The following IL12RB2 variants were observed in gnomAD, a reference collection of about 807,000 sequenced individuals.
The protein encoded by IL12RB2 is interleukin 12 receptor subunit beta 2.
IL12RB2 carries 82 observed loss-of-function variants against 89.4 expected under a neutral mutation model. That is an observed-to-expected ratio of 0.92 (90% CI 0.77 to 1.10). The LOEUF (loss-of-function observed/expected upper bound fraction) is 1.10. IL12RB2 is among the 50% of genes least tolerant of loss of function. The pLI is 0.00. For synonymous variants in IL12RB2, 368 were observed against 370.1 expected (o/e 0.99, Z 0.07); for missense variants, 963 against 1,031.9 (o/e 0.93, Z 0.92).
intron 16 of IL12RB2, among the ~76,000 whole-genome samples, chr1:67,393,933 T>TA (rs1666093724): frequency 6.6e-6 from 1 of 151,958 alleles, no homozygotes; most frequent in African/African-American, 2.4e-5. Context: ...TACAGACATA[T>TA]AAAAAAAGTG....
chr1:67,397,150 ATG>A lies in IL12RB2; in HGVS notation c.*1063_*1064del, dbSNP rs1482179075. 6.6e-6 allele frequency among the ~76,000 whole-genome samples: 1 copy of A among 151,912 alleles called. No homozygotes were observed. Among genetic ancestry groups the A allele is most frequent in the East Asian group, 1.9e-4 (1 of 5,176 alleles). On this transcript the variant is annotated 3_prime_UTR_variant, in exon 17 of 17. Coordinates refer to ENST00000674203, the MANE Select transcript of IL12RB2 (RefSeq NM_001374259.2). ...TCAAAAAAGAAAAAAAAAAAAAAGA[ATG>A]TACCTTTTTCCTAGATTTGCTGGTT...
chr1:67,396,157 C>G lies in IL12RB2; in HGVS notation c.*68C>G. ...GCACAGCCTGCCCCAATTCCCCCAG[C>G]CCCTGCTCCAGCAGCTGTCATCTCT... On this transcript the variant is annotated 3_prime_UTR_variant, in exon 17 of 17. Transcript: ENST00000674203. 1 of 946,118 alleles carries G rather than the reference C, an allele frequency of 1.1e-6. No homozygotes were observed. Among genetic ancestry groups the G allele is most frequent in the Non-Finnish European group, 1.7e-6 (1 of 580,052 alleles). 58.6% of individuals were successfully genotyped at this position (946,118 alleles called of 1,614,324 possible).
At chr1:67,355,679 C>T (rs1174357532) in intron 10 of IL12RB2, among the ~76,000 whole-genome samples, 2 of 152,196 alleles carry the variant, frequency 1.3e-5, no homozygotes, top group East Asian at 3.9e-4. Flanking sequence ...CTTGGGTGAG[C>T]ACTTTTTCCA....
chr1:67,344,186 T>C (rs17129835), intron 9 of IL12RB2, among the ~76,000 whole-genome samples: 8,036 of 152,310 alleles, frequency 0.053, 334 homozygotes, highest in Middle Eastern at 0.14. Context: ...GAAGCACTGT[T>C]CCACGGAAAT....
intron 9 of IL12RB2, among the ~76,000 whole-genome samples, chr1:67,347,822 C>T (rs1660400879): frequency 6.6e-6 from 1 of 152,016 alleles, no homozygotes; most frequent in Non-Finnish European, 1.5e-5. Context: ...GGAGACACTC[C>T]CAGGGATGCA....
In IL12RB2 at chr1:67,340,144, C is replaced by T. The variant is rs17129828; in HGVS notation, c.1038+1441C>T. On this transcript the variant is annotated intron_variant, in intron 9 of 16. Transcript: ENST00000674203. ...GAGTGATTTCTTCTTCTTTCTCCTC[C>T]CTGTCTCTCTCACACACACATAAAA... Among the ~76,000 whole-genome samples, 945 of 152,256 alleles carry T rather than the reference C, an allele frequency of 6.2e-3. 9 individuals are homozygous for T. Among genetic ancestry groups the T allele is most frequent in the African/African-American group, 0.021 (870 of 41,554 alleles).
At chr1:67,322,570 G>A (rs1328734748) in intron 4 of IL12RB2, among the ~76,000 whole-genome samples, 1 of 152,142 alleles carries the variant, frequency 6.6e-6, no homozygotes, top group Non-Finnish European at 1.5e-5. Flanking sequence ...ATGCCAGGTG[G>A]TAACATCACT....
In IL12RB2 at chr1:67,363,981, T is replaced by G. The variant is rs1312456342; in HGVS notation, c.1259-3844T>G. On this transcript the variant is annotated intron_variant, in intron 10 of 16. Coordinates refer to ENST00000674203, the MANE Select transcript of IL12RB2 (RefSeq NM_001374259.2). Reference sequence around the variant, plus strand: ...CACATGTAGTACATATTACTCCAACTCCATCAAGTTATTTTGAACATCACT... The same window carrying G: ...CACATGTAGTACATATTACTCCAACGCCATCAAGTTATTTTGAACATCACT... Among the ~76,000 whole-genome samples the G allele has an allele frequency of 3.3e-5, 5 of 152,166 alleles. No individual in the cohort carries two copies. The East Asian group carries it at 9.6e-4, about 29-fold the overall frequency.
chr1:67,334,539 T>C (rs996571334), intron 8 of IL12RB2, among the ~76,000 whole-genome samples: 13 of 152,194 alleles, frequency 8.5e-5, no homozygotes, highest in Non-Finnish European at 1.6e-4. Flanking sequence ...AGTGCAGTGG[T>C]GCGATCTCGG....
At chr1:67,314,727 A>G (rs576079867) in intron 2 of IL12RB2, among the ~76,000 whole-genome samples, 105 of 152,314 alleles carry the variant, frequency 6.9e-4, no homozygotes, top group Admixed American at 1.1e-3. Flanking sequence ...AAGTAGCTTC[A>G]TGCTTTGTGC....
intron 10 of IL12RB2, among the ~76,000 whole-genome samples, chr1:67,366,926 G>A (rs1221879432): frequency 6.6e-6 from 1 of 152,092 alleles, no homozygotes; most frequent in Non-Finnish European, 1.5e-5. Flanking sequence ...GTGAAAAAAA[G>A]AAAAAGCATT....
chr1:67,351,899 T>G (rs1255323274), intron 10 of IL12RB2, among the ~76,000 whole-genome samples: 1 of 152,118 alleles, frequency 6.6e-6, no homozygotes, highest in Non-Finnish European at 1.5e-5. Flanking sequence ...ATAAAAGAAT[T>G]CCATGTCAAG....
intron 11 of IL12RB2, among the ~76,000 whole-genome samples, chr1:67,368,523 T>C (rs1420765319): frequency 6.6e-6 from 1 of 152,220 alleles, no homozygotes; most frequent in African/African-American, 2.4e-5. Context: ...TAATACTAAA[T>C]CCAGAATTAT....
intron 10 of IL12RB2, 77 bp from the exon 11 acceptor site, chr1:67,367,748 G>A: frequency 1.2e-6 from 1 of 861,496 alleles, no homozygotes; most frequent in Non-Finnish European, 2.0e-6. Flanking sequence ...GGGATAAGCT[G>A]TTTGGCTTTT....
intron 13 of IL12RB2, among the ~76,000 whole-genome samples, chr1:67,375,909 C>T (rs967280898): frequency 1.3e-5 from 2 of 149,442 alleles, no homozygotes; most frequent in East Asian, 4.0e-4. Flanking sequence ...TGCAATGGCG[C>T]GATCTCGGCT....
chr1:67,369,499 G>C (rs926371660), intron 11 of IL12RB2, among the ~76,000 whole-genome samples: 1 of 152,208 alleles, frequency 6.6e-6, no homozygotes, highest in Non-Finnish European at 1.5e-5. Flanking sequence ...TGTGTTCCCT[G>C]TCCCTAGAGT....
chr1:67,374,225 A>G (rs1276597783), intron 13 of IL12RB2, among the ~76,000 whole-genome samples: 2 of 152,222 alleles, frequency 1.3e-5, no homozygotes, highest in Non-Finnish European at 1.5e-5. Context: ...GTATGGCATC[A>G]TAAGGGCTTA....
chr1:67,336,371 A>G (rs943839041), intron 8 of IL12RB2, among the ~76,000 whole-genome samples: 1 of 152,154 alleles, frequency 6.6e-6, no homozygotes, highest in Non-Finnish European at 1.5e-5. Context: ...ACCACCTGAC[A>G]GTAGGTGGTT....
intron 10 of IL12RB2, among the ~76,000 whole-genome samples, chr1:67,354,511 C>A (rs6679356): frequency 1.3e-5 from 2 of 151,952 alleles, no homozygotes; most frequent in South Asian, 4.2e-4. Context: ...GCAGAGATCA[C>A]GTCAGGAGGG....
Sources: allele counts gnomAD v4.1 joint callset (sites outside exome capture counted in the v4.1 genomes callset), GRCh38; gene constraint gnomAD v4.1.1; transcripts MANE v1.5; gene names NCBI Gene and HGNC (gene_info 2026-07-23, HGNC 2026-07-21).